The following SGCZ variants were observed in gnomAD, a reference collection of about 807,000 sequenced individuals.
The protein encoded by SGCZ is sarcoglycan zeta.
A neutral mutation model predicts 41.3 loss-of-function variants in SGCZ; 40 were observed. The ratio of observed to expected loss-of-function variants is 0.97; its 90% CI spans 0.75 to 1.26. The LOEUF is 1.26. SGCZ is among the 50% of genes most tolerant of loss of function. The probability of loss-of-function intolerance (pLI) is 0.00; values close to 1 mark genes in which losing one functional copy is unlikely to be tolerated. For synonymous variants in SGCZ, 206 were observed against 137.5 expected (o/e 1.50, Z -3.49); for missense variants, 552 against 369.8 (o/e 1.49, Z -4.04).
chr8:14,602,326 A>C (rs1458152498), intron 1 of SGCZ, among the ~76,000 whole-genome samples: 1 of 151,990 alleles, frequency 6.6e-6, no homozygotes, highest in Admixed American at 6.6e-5. Context: ...ACTTGGTTTA[A>C]TGAATAATGC....
At chr8:14,245,909 A>G (rs1246282935) in intron 3 of SGCZ, among the ~76,000 whole-genome samples, 1 of 152,214 alleles carries the variant, frequency 6.6e-6, no homozygotes, top group African/African-American at 2.4e-5. Flanking sequence ...ACCATCTCAC[A>G]CCAGTTAGAA....
At chr8:14,334,421 T>C (rs1189770385) in intron 2 of SGCZ, among the ~76,000 whole-genome samples, 1 of 152,086 alleles carries the variant, frequency 6.6e-6, no homozygotes, top group Admixed American at 6.5e-5. Flanking sequence ...GTGCACCTAG[T>C]TAGCTACTCA....
chr8:15,047,589 G>C (rs968180103), intron 1 of SGCZ, among the ~76,000 whole-genome samples: 1 of 151,982 alleles, frequency 6.6e-6, no homozygotes, highest in Non-Finnish European at 1.5e-5. Context: ...CTCAACTAGA[G>C]AGAGAGTACA....
intron 1 of SGCZ, among the ~76,000 whole-genome samples, chr8:14,861,715 AT>A (rs1563322063): frequency 6.6e-6 from 1 of 151,722 alleles, no homozygotes; most frequent in Non-Finnish European, 1.5e-5. Flanking sequence ...TTGCATTTTC[AT>A]TTTGCACTGG....
intron 4 of SGCZ, among the ~76,000 whole-genome samples, chr8:14,235,736 G>A (rs542466261): frequency 6.6e-6 from 1 of 152,134 alleles, no homozygotes; most frequent in African/African-American, 2.4e-5. Context: ...CCAGGCTGGA[G>A]TGCAGTGGCC....
intron 4 of SGCZ, among the ~76,000 whole-genome samples, chr8:14,232,374 T>C (rs1197030941): frequency 4.6e-5 from 7 of 152,110 alleles, no homozygotes; most frequent in African/African-American, 1.7e-4. Flanking sequence ...TGTTAAGTGA[T>C]GTTAATTGCT....
At chr8:14,274,401 G>A (rs565379204) in intron 3 of SGCZ, among the ~76,000 whole-genome samples, 2 of 152,228 alleles carry the variant, frequency 1.3e-5, no homozygotes, top group East Asian at 1.9e-4. Context: ...ACTAAGCTGT[G>A]TACAAGTCGT....
chr8:14,543,974 G>T (rs917466780), intron 2 of SGCZ, among the ~76,000 whole-genome samples: 7 of 152,006 alleles, frequency 4.6e-5, no homozygotes, highest in African/African-American at 1.7e-4. Context: ...GAATGGAGTG[G>T]TTACCTACCC....
chr8:15,096,750 A>G (rs1412656960), intron 1 of SGCZ, among the ~76,000 whole-genome samples: 1 of 151,934 alleles, frequency 6.6e-6, no homozygotes, highest in East Asian at 1.9e-4. Flanking sequence ...CAGTGGTGCA[A>G]TCTCGGCTCA....
At chr8:14,437,389 C>T (rs188941766) in intron 2 of SGCZ, among the ~76,000 whole-genome samples, 44 of 152,184 alleles carry the variant, frequency 2.9e-4, no homozygotes, top group African/African-American at 1.0e-3. Flanking sequence ...CCTTTTCCAA[C>T]TTTCTTCAAA....
At chr8:15,063,558 A>T (rs1431691958) in intron 1 of SGCZ, among the ~76,000 whole-genome samples, 2 of 152,160 alleles carry the variant, frequency 1.3e-5, no homozygotes, top group African/African-American at 4.8e-5. Context: ...ATTTTTAAAA[A>T]TCTCTTTCAA....
intron 1 of SGCZ, among the ~76,000 whole-genome samples, chr8:15,131,427 G>A (rs955105834): frequency 6.6e-6 from 1 of 152,172 alleles, no homozygotes; most frequent in African/African-American, 2.4e-5. Context: ...GGAACTGTGA[G>A]TCCATTAAAC....
At chr8:14,676,450 T>A (rs1585174524) in intron 1 of SGCZ, among the ~76,000 whole-genome samples, 1 of 152,156 alleles carries the variant, frequency 6.6e-6, no homozygotes, top group Middle Eastern at 3.4e-3. Context: ...GTCCAGGACT[T>A]CGAGGCTGTG....
At chr8:15,071,024 G>A (rs1013377696) in intron 1 of SGCZ, among the ~76,000 whole-genome samples, 2 of 152,148 alleles carry the variant, frequency 1.3e-5, no homozygotes, top group Non-Finnish European at 2.9e-5. Context: ...TCCCAAGCTA[G>A]TAATACCTAA....
chr8:14,116,471 T>A lies in SGCZ; in HGVS notation c.548-8236A>T, dbSNP rs1045374055. ...CACACAGCTTGCCTTAATATGTAAT[T>A]GTCATTCATTTACTAATAACCAGGT... On this transcript the variant is annotated intron_variant, in intron 5 of 7. Transcript: ENST00000382080. Among the ~76,000 whole-genome samples the A allele has an allele frequency of 2.0e-5, 3 of 152,106 alleles. No individual in the cohort carries two copies. In the East Asian group the frequency reaches 5.8e-4, roughly 29 times the overall value.
intron 1 of SGCZ, among the ~76,000 whole-genome samples, chr8:14,827,297 C>T (rs1456051580): frequency 7.6e-5 from 11 of 144,898 alleles, no homozygotes; most frequent in African/African-American, 1.3e-4. Flanking sequence ...AGGGCAGTGA[C>T]GCCATCTCAG....
At chr8:14,913,103 TG>T (rs1314804907) in intron 1 of SGCZ, among the ~76,000 whole-genome samples, 1 of 151,996 alleles carries the variant, frequency 6.6e-6, no homozygotes. Context: ...TTTAAAAAGG[TG>T]TACAAATATT....
intron 2 of SGCZ, among the ~76,000 whole-genome samples, chr8:14,448,282 G>A (rs546578550): frequency 6.6e-6 from 1 of 152,160 alleles, no homozygotes; most frequent in African/African-American, 2.4e-5. Flanking sequence ...TACATATTAA[G>A]AAATCATCAA....
At chr8:14,492,736 A>T (rs1337360540) in intron 2 of SGCZ, among the ~76,000 whole-genome samples, 1 of 152,146 alleles carries the variant, frequency 6.6e-6, no homozygotes, top group East Asian at 1.9e-4. Context: ...AATTTGGAAA[A>T]GTTCCATTTC....
Sources: gnomAD v4.1 joint callset for allele counts (sites outside exome capture counted in the v4.1 genomes callset) on GRCh38, gnomAD v4.1.1 for gene constraint, MANE v1.5 for transcripts, NCBI Gene and HGNC (gene_info 2026-07-23, HGNC 2026-07-21) for gene names.